CAPN1: variants seen among roughly 807,000 people sequenced by gnomAD.
CAPN1 encodes calpain 1.
CAPN1 carries 77 observed loss-of-function variants against 105.2 expected under a neutral mutation model. That is an observed-to-expected ratio of 0.73 (90% CI 0.61 to 0.88). The LOEUF is 0.88. CAPN1 is among the 40% of genes least tolerant of loss of function. The pLI is 0.00. For synonymous variants in CAPN1, 355 were observed against 388.8 expected (o/e 0.91, Z 1.02); for missense variants, 833 against 976.6 (o/e 0.85, Z 1.96).
rs772315911 is a variant in CAPN1 at position 65,208,245 on chromosome 11, A to G, written c.1712A>G (p.Asn571Ser). Reference protein sequence around the residue: ...ISVKELRTILNRIISKHKDLR... With the variant: ...ISVKELRTILSRIISKHKDLR... ...GTGAAGGAGTTGCGGACAATCCTCAATAGGATCATCAGCAAACGTGAGTCC... is the reference window on the plus strand; with the variant it reads ...GTGAAGGAGTTGCGGACAATCCTCAGTAGGATCATCAGCAAACGTGAGTCC... Residue 571 changes from asparagine (N) to serine (S), a missense_variant, in exon 16 of 22, where the codon AAT becomes AGT. Physicochemically the swap from Asn to Ser is conservative, Grantham distance 46. Coordinates refer to ENST00000279247, the MANE Select transcript of CAPN1 (RefSeq NM_005186.4). The surrounding 1 kb of genome is among the most constrained non-coding windows in gnomAD (Gnocchi z 4.1). The G allele has an allele frequency of 7.0e-6, 11 of 1,569,422 alleles. No homozygotes were observed. Among genetic ancestry groups the G allele is most frequent in the African/African-American group, 6.8e-5 (5 of 73,764 alleles).
At position 65,188,813 on chromosome 11, in the gene CAPN1, T is replaced by A. The variant is rs913140849; in HGVS notation, c.1165+67T>A. ...AGGGGCTCCAGAAGGCACGTCATCTTACTGAGCCTCCGTTTCCTCACTTGC... is the reference window on the plus strand; with the variant it reads ...AGGGGCTCCAGAAGGCACGTCATCTAACTGAGCCTCCGTTTCCTCACTTGC... On this transcript the variant is annotated intron_variant, in intron 10 of 21. Coordinates refer to ENST00000279247, the MANE Select transcript of CAPN1 (RefSeq NM_005186.4). This position sits in a 1 kb window ranked among gnomAD's most constrained non-coding sequence, Gnocchi z 5.5. 3.0e-6 allele frequency: 4 copies of A among 1,344,070 alleles called. No homozygotes were observed. In the African/African-American group the frequency reaches 5.8e-5, roughly 19 times the overall value. The allele number at this position is 1,344,070 out of a possible 1,614,324, so 83.3% of individuals were successfully genotyped here.
upstream of CAPN1, chr11:65,181,693 G>GC: frequency 3.3e-6 from 1 of 307,524 alleles, no homozygotes; most frequent in Non-Finnish European, 6.6e-6. This position sits in a 1 kb window ranked among gnomAD's most constrained non-coding sequence, Gnocchi z 4.6. Flanking sequence ...CCCCGCGCTG[G>GC]CCCCTCCCCG....
At position 65,208,120 on chromosome 11, in the gene CAPN1, G is replaced by A. The variant is rs1948989695; in HGVS notation, c.1671G>A (p.Glu557=). 3 of 1,607,556 alleles carry A rather than the reference G, an allele frequency of 1.9e-6. No homozygotes were observed. The change falls in exon 15 of 22, where the codon GAG becomes GAA. Residue 557 remains glutamate, a splice_region_variant and synonymous_variant. Transcript: ENST00000279247. This position sits in a 1 kb window ranked among gnomAD's most constrained non-coding sequence, Gnocchi z 4.1. ...CCCTCTTCAGGCAGCTGGCAGGGGAGGTAGGTTGGGGCATGGCAGGTTGGG... is the reference window on the plus strand; with the variant it reads ...CCCTCTTCAGGCAGCTGGCAGGGGAAGTAGGTTGGGGCATGGCAGGTTGGG... ...FKALFRQLAG[E]DMEISVKELR...
chr11:65,210,279 C>A lies in CAPN1; in HGVS notation c.1943-57C>A. On this transcript the variant is annotated intron_variant, in intron 19 of 21. Coordinates refer to ENST00000279247, the MANE Select transcript of CAPN1 (RefSeq NM_005186.4). This position sits in a 1 kb window ranked among gnomAD's most constrained non-coding sequence, Gnocchi z 4.3. ...CCCTCCTGGGGACCCAACCCCTCCC[C>A]CATCCTGTTGGGCAGGGGCTGCGCC... 1 of 1,341,178 alleles carries A rather than the reference C, an allele frequency of 7.5e-7. No homozygotes were observed. The highest frequency in any genetic ancestry group is 1.1e-6 in the Non-Finnish European group (1 of 944,388). 83.1% of individuals were successfully genotyped at this position (1,341,178 alleles called of 1,614,324 possible). A position where few individuals can be genotyped will look rare whatever the true frequency, so the allele number is the denominator to read the frequency against.
Position 65,211,344 on chromosome 11 carries a change from C to T in CAPN1, c.*58C>T. Reference sequence around the variant, plus strand: ...CTCCCTCCTCGTCTGCCAAGCCTCGCCTCCTACCACACCACACCAGGCCAC... The same window carrying T: ...CTCCCTCCTCGTCTGCCAAGCCTCGTCTCCTACCACACCACACCAGGCCAC... On this transcript the variant is annotated 3_prime_UTR_variant, in exon 22 of 22. Transcript: ENST00000279247. 2 of 1,562,268 alleles carry T rather than the reference C, an allele frequency of 1.3e-6. No homozygotes were observed. The highest frequency in any genetic ancestry group is 8.8e-7 in the Non-Finnish European group (1 of 1,141,104).
intron 7 of CAPN1, chr11:65,187,528 A>G: frequency 1.7e-6 from 1 of 578,666 alleles, no homozygotes; most frequent in Non-Finnish European, 3.1e-6. Flanking sequence ...TTCCAAGAGG[A>G]CAGGCTTCAT....
rs374553729 is a variant in CAPN1, at chr11:65,183,517, C to A, written c.381C>A (p.Asn127Lys). 1.2e-6 allele frequency: 2 copies of A among 1,613,890 alleles called. No individual in the cohort carries two copies. Among genetic ancestry groups the A allele is most frequent in the Non-Finnish European group, 1.7e-6 (2 of 1,179,784 alleles). ...CGGCCATCGCCTCCCTCACTCTCAACGACACCCTCCTGCACCGAGTGGTTC... is the reference window on the plus strand; with the variant it reads ...CGGCCATCGCCTCCCTCACTCTCAAAGACACCCTCCTGCACCGAGTGGTTC... ...LLAAIASLTLNDTLLHRVVPH... is the reference protein window; with the variant it reads ...LLAAIASLTLKDTLLHRVVPH... The change falls in exon 4 of 22, where the codon AAC becomes AAA. Residue 127 changes from asparagine (N) to lysine (K), a missense_variant. Transcript: ENST00000279247.
chr11:65,189,876 G>C (rs1948695001), intron 10 of CAPN1, among the ~76,000 whole-genome samples: 1 of 152,090 alleles, frequency 6.6e-6, no homozygotes, highest in Admixed American at 6.6e-5. Context: ...TCTCCCCACT[G>C]TTACTCTCAC....
rs377528228 is a variant in CAPN1, at chr11:65,209,805, T to A, written c.1795-44T>A. The A allele has an allele frequency of 4.6e-5, 74 of 1,597,618 alleles. No individual in the cohort carries two copies. The highest frequency in any genetic ancestry group is 3.3e-4 in the Middle Eastern group (2 of 6,062). ...TTCTGCACAGTTGCCCACTCTCCCA[T>A]GACTGGTCTAAGTGATGGAATTTCC... On this transcript the variant is annotated intron_variant, in intron 17 of 21. Coordinates refer to ENST00000279247, the MANE Select transcript of CAPN1 (RefSeq NM_005186.4). The surrounding 1 kb of genome is among the most constrained non-coding windows in gnomAD (Gnocchi z 4.1).
At position 65,187,261 on chromosome 11, in the gene CAPN1, T is replaced by G; in HGVS notation, c.806T>G (p.Val269Gly). ...DMEAITFKKLVKGHAYSVTGA... is the reference protein window; with the variant it reads ...DMEAITFKKLGKGHAYSVTGA... ...GAGGCCATCACTTTCAAGAAGTTGG[T>G]GAAGGGCCATGCCTACTCTGTGACC... The change falls in exon 7 of 22, where the codon GTG (valine) becomes GGG (glycine). Residue 269 changes from valine to glycine, a missense_variant. Physicochemically the swap from Val to Gly is moderately radical, Grantham distance 109. Coordinates refer to ENST00000279247, the MANE Select transcript of CAPN1 (RefSeq NM_005186.4). The G allele has an allele frequency of 1.2e-6, 2 of 1,613,424 alleles. No individual in the cohort carries two copies. Among genetic ancestry groups the G allele is most frequent in the Non-Finnish European group, 1.7e-6 (2 of 1,179,612 alleles).
chr11:65,186,383 T>C, intron 6 of CAPN1, 45 bp downstream of exon 6: 1 of 1,533,796 alleles, frequency 6.5e-7, no homozygotes, highest in Non-Finnish European at 8.8e-7. Flanking sequence ...GGAACCCTGG[T>C]ATCCTGACCT....
At chr11:65,194,777 G>A (rs1948768833) in intron 10 of CAPN1, among the ~76,000 whole-genome samples, 1 of 151,816 alleles carries the variant, frequency 6.6e-6, no homozygotes, top group Admixed American at 6.5e-5. Context: ...TTCATCAGTT[G>A]ATGGACATTT....
rs775306373 is a variant in CAPN1 at position 65,204,754 on chromosome 11, C to A, written c.1237C>A (p.Arg413Ser). 2 of 1,613,116 alleles carry A rather than the reference C, an allele frequency of 1.2e-6. No homozygotes were observed. Among genetic ancestry groups the A allele is most frequent in the Admixed American group, 1.7e-5 (1 of 60,020 alleles). Reference protein sequence around the residue: ...ETDDPDDYGDRESGCSFVLAL... With the variant: ...ETDDPDDYGDSESGCSFVLAL... ...GGATGACCCGGACGACTACGGGGAC[C>A]GCGAGTCAGGCTGCAGCTTCGTGCT... Residue 413 changes from arginine (R) to serine (S), a missense_variant, in exon 11 of 22, where the codon CGC becomes AGC. Coordinates refer to ENST00000279247, the MANE Select transcript of CAPN1 (RefSeq NM_005186.4).
chr11:65,201,798 G>A (rs1209494837), intron 10 of CAPN1, among the ~76,000 whole-genome samples: 27 of 149,676 alleles, frequency 1.8e-4, no homozygotes, highest in Admixed American at 1.5e-3. Flanking sequence ...GATTACAGGC[G>A]TGAGCCACCG....
Position 65,182,700 on chromosome 11 carries a change from G to C in CAPN1, c.-1-1G>C. On this transcript the variant is annotated splice_acceptor_variant, in intron 1 of 21. Coordinates refer to ENST00000279247, the MANE Select transcript of CAPN1 (RefSeq NM_005186.4). LOFTEE classifies it low-confidence loss of function (5UTR_SPLICE). ...TCTGAGCAGGCCCATCTGTCCGGCA[G>C]GATGTCGGAGGAGATCATCACGCCG... 1 of 1,553,046 alleles carries C rather than the reference G, an allele frequency of 6.4e-7. No individual in the cohort carries two copies. The highest frequency in any genetic ancestry group is 8.7e-7 in the Non-Finnish European group (1 of 1,148,780).
At chr11:65,203,273 C>T (rs1393632594) in intron 10 of CAPN1, 1 of 152,164 alleles carries the variant, frequency 6.6e-6, no homozygotes, top group Non-Finnish European at 1.5e-5. Context: ...TCACTGCTAC[C>T]TCTGCCTCTG....
Position 65,206,578 on chromosome 11 carries a change from C to T in CAPN1, c.1469C>T (p.Pro490Leu), listed in dbSNP as rs1481688460. Residue 490 changes from proline to leucine, a missense_variant, in exon 13 of 22, where the codon CCA (proline) becomes CTA (leucine). Physicochemically the swap from Pro to Leu is moderately conservative, Grantham distance 98 (BLOSUM62 -3). Transcript: ENST00000279247. ...LREVSTRFRL[P>L]PGEYVVVPST... ...GAGGTCAGCACCCGCTTCCGCCTGC[C>T]ACCCGGGGAGTATGTGGTGGTGCCC... The T allele has an allele frequency of 6.2e-7, 1 of 1,613,496 alleles. No individual in the cohort carries two copies. The highest frequency in any genetic ancestry group is 1.1e-5 in the South Asian group (1 of 91,090).
Position 65,208,625 on chromosome 11 carries a change from A to G in CAPN1, c.1729+363A>G. The G allele has an allele frequency of 2.8e-6, 1 of 355,528 alleles. No homozygotes were observed. 22.0% of individuals were successfully genotyped at this position (355,528 alleles called of 1,614,324 possible). A position where few individuals can be genotyped will look rare whatever the true frequency, so the allele number is the denominator to read the frequency against. ...AGACCCTGTCTCTGCAAAAAAGTAC[A>G]AAAATTAGCTGGGCGTGGTGGCATG... On this transcript the variant is annotated intron_variant, in intron 16 of 21. Coordinates refer to ENST00000279247, the MANE Select transcript of CAPN1 (RefSeq NM_005186.4). The surrounding 1 kb of genome is among the most constrained non-coding windows in gnomAD (Gnocchi z 4.1).
chr11:65,187,720 C>G, intron 7 of CAPN1: 1 of 470,758 alleles, frequency 2.1e-6, no homozygotes, highest in Non-Finnish European at 3.9e-6. Flanking sequence ...AACTCTGTCT[C>G]TACTAAAAAT....
Sources: allele counts gnomAD v4.1 joint callset (sites outside exome capture counted in the v4.1 genomes callset), GRCh38; gene constraint gnomAD v4.1.1; non-coding constraint Gnocchi (gnomAD v3.1); transcripts MANE v1.5; gene names NCBI Gene and HGNC (gene_info 2026-07-23, HGNC 2026-07-21).